Variants in AGBL1 observed in about 807,000 individuals in gnomAD.
AGBL1 encodes the protein AGBL carboxypeptidase 1, also known as cytosolic carboxypeptidase 4.
Under a neutral mutation model 118.9 loss-of-function variants are expected in AGBL1, and 130 were observed. The observed-to-expected ratio is 1.09, with a 90% CI of 0.95 to 1.26. The LOEUF (loss-of-function observed/expected upper bound fraction) is 1.26, where lower values mean the gene tolerates loss of function less well. Among genes scored for constraint, AGBL1 ranks in the 50% most tolerant of loss-of-function variants. The pLI, the probability that AGBL1 is intolerant of heterozygous loss-of-function variation, is 0.00. For missense variants in AGBL1, 1,584 were observed against 1,298.1 expected (o/e 1.22, Z -3.38); for synonymous variants, 555 against 478.9 (o/e 1.16, Z -2.08).
At chr15:86,891,139 TG>T (rs910811119) in intron 22 of AGBL1, among the ~76,000 whole-genome samples, 2 of 152,156 alleles carry the variant, frequency 1.3e-5, no homozygotes, top group African/African-American at 2.4e-5. Flanking sequence ...TTATTCTTTT[TG>T]TAGTAATTGT....
chr15:86,283,443 G>T (rs113324333), intron 16 of AGBL1, among the ~76,000 whole-genome samples: 11 of 146,366 alleles, frequency 7.5e-5, no homozygotes, highest in African/African-American at 1.7e-4. Context: ...CACTGTGAAA[G>T]ATGTGAATAC....
intron 5 of AGBL1, among the ~76,000 whole-genome samples, chr15:86,196,868 T>TGC (rs149539990): frequency 0.068 from 6,495 of 95,548 alleles, 244 homozygotes; most frequent in East Asian, 0.12. Flanking sequence ...TGTGCACATG[T>TGC]GCGCGCGCGC....
chr15:86,570,089 C>A (rs1204882106), intron 21 of AGBL1, among the ~76,000 whole-genome samples: 1 of 127,966 alleles, frequency 7.8e-6, no homozygotes, highest in African/African-American at 2.9e-5. Flanking sequence ...TTGACTCAAC[C>A]TGGGATGCTT....
At chr15:86,990,685 T>C (rs745884419) in intron 24 of AGBL1, among the ~76,000 whole-genome samples, 3 of 152,184 alleles carry the variant, frequency 2.0e-5, no homozygotes, top group Admixed American at 2.0e-4. Context: ...CCATTTTATA[T>C]GGAGAAGCTG....
At chr15:86,085,564 T>C (rs186991780) in intron 1 of AGBL1, among the ~76,000 whole-genome samples, 4 of 152,286 alleles carry the variant, frequency 2.6e-5, no homozygotes, top group Non-Finnish European at 5.9e-5. Flanking sequence ...TGTGATCTGT[T>C]TTAATTCCCC....
At chr15:86,499,420 T>G (rs551356247) in intron 18 of AGBL1, among the ~76,000 whole-genome samples, 1 of 151,922 alleles carries the variant, frequency 6.6e-6, no homozygotes, top group African/African-American at 2.4e-5. Context: ...TCGAACGAAG[T>G]GTAATGGAAC....
chr15:86,633,878 G>GTATATATATATATATAATGTA, intron 21 of AGBL1, among the ~76,000 whole-genome samples: 1 of 98,974 alleles, frequency 1.0e-5, no homozygotes, highest in African/African-American at 5.2e-5. Context: ...TATATATAAT[G>GTATATATATATATATAATGTA]TATATATATA....
At chr15:86,121,537 C>A (rs1367318010) in intron 1 of AGBL1, among the ~76,000 whole-genome samples, 2 of 152,180 alleles carry the variant, frequency 1.3e-5, no homozygotes, top group African/African-American at 2.4e-5. Context: ...ATTTTAAAAA[C>A]CAAAAAGATT....
At chr15:86,092,067 C>G (rs1305524899) in intron 1 of AGBL1, among the ~76,000 whole-genome samples, 8 of 152,156 alleles carry the variant, frequency 5.3e-5, no homozygotes, top group Admixed American at 4.6e-4. Flanking sequence ...TGTCCTTCAT[C>G]TATTCAACAA....
chr15:86,660,655 C>A lies in AGBL1; in HGVS notation c.2995-13618C>A, dbSNP rs148920526. Among the ~76,000 whole-genome samples the A allele has an allele frequency of 2.4e-3, 360 of 152,158 alleles. 1 individual carries two copies. The highest frequency in any genetic ancestry group is 7.8e-3 in the African/African-American group (323 of 41,520). On this transcript the variant is annotated intron_variant, in intron 21 of 22. Coordinates refer to ENST00000614907, the MANE Select transcript of AGBL1 (RefSeq NM_001386094.1). ...TAGACTCAGTATGAGTTTTATACAG[C>A]AATCTCATTGCTTTTAAGACCTGAA...
intron 22 of AGBL1, among the ~76,000 whole-genome samples, chr15:86,712,004 C>A (rs570325552): frequency 6.6e-6 from 1 of 152,264 alleles, no homozygotes; most frequent in Non-Finnish European, 1.5e-5. Context: ...AATGAGGAAA[C>A]TGACACCCAG....
At chr15:86,134,806 G>A (rs1215635463) in intron 1 of AGBL1, among the ~76,000 whole-genome samples, 1 of 151,530 alleles carries the variant, frequency 6.6e-6, no homozygotes, top group Non-Finnish European at 1.5e-5. Flanking sequence ...GGAGAGATGG[G>A]GTTTCACCAT....
At chr15:87,012,901 G>A (rs1477352132) in intron 24 of AGBL1, among the ~76,000 whole-genome samples, 1 of 152,064 alleles carries the variant, frequency 6.6e-6, no homozygotes, top group Admixed American at 6.6e-5. Flanking sequence ...GCACTTTGAT[G>A]CTCTAAGTTT....
chr15:86,163,360 T>C (rs929000900), intron 5 of AGBL1, among the ~76,000 whole-genome samples: 5 of 152,168 alleles, frequency 3.3e-5, no homozygotes, highest in Admixed American at 1.3e-4. Flanking sequence ...GCCCAGGAGT[T>C]TGAGACTACA....
At chr15:86,647,049 T>C (rs1488007638) in intron 21 of AGBL1, among the ~76,000 whole-genome samples, 1 of 152,216 alleles carries the variant, frequency 6.6e-6, no homozygotes. Context: ...CATAAAAGAC[T>C]AACATTTTAA....
chr15:87,022,720 C>T (rs1327052362), intron 24 of AGBL1, among the ~76,000 whole-genome samples: 2 of 151,958 alleles, frequency 1.3e-5, no homozygotes, highest in Admixed American at 6.6e-5. Context: ...ACCAGGTAAC[C>T]TATTAAAATA....
chr15:86,492,269 C>T (rs989046659), intron 18 of AGBL1, among the ~76,000 whole-genome samples: 8 of 152,148 alleles, frequency 5.3e-5, no homozygotes, highest in South Asian at 2.1e-4. Context: ...GGGCAGCCCA[C>T]GGAGTCACAT....
chr15:86,550,996 G>C (rs1011715019), intron 20 of AGBL1, among the ~76,000 whole-genome samples: 1 of 151,854 alleles, frequency 6.6e-6, no homozygotes, highest in Non-Finnish European at 1.5e-5. Flanking sequence ...GGATCAAAGA[G>C]GAAATCCAAT....
At chr15:86,406,291 A>T (rs565977062) in intron 18 of AGBL1, among the ~76,000 whole-genome samples, 14 of 152,222 alleles carry the variant, frequency 9.2e-5, no homozygotes, top group Non-Finnish European at 1.9e-4. Flanking sequence ...TGAGCACTGT[A>T]GTCTGCAGAG....
Sources: gnomAD v4.1 joint callset for allele counts (sites outside exome capture counted in the v4.1 genomes callset) on GRCh38, gnomAD v4.1.1 for gene constraint, MANE v1.5 for transcripts, NCBI Gene and HGNC (gene_info 2026-07-23, HGNC 2026-07-21) for gene names.